OLFM2: variants seen among roughly 807,000 people sequenced by gnomAD.
OLFM2 encodes the protein olfactomedin 2.
In OLFM2, 20 loss-of-function variants were observed where a neutral mutation model predicts 43.9. The ratio of observed to expected loss-of-function variants is 0.46; its 90% confidence interval spans 0.32 to 0.66. The LOEUF (loss-of-function observed/expected upper bound fraction) is 0.66, where lower values mean the gene tolerates loss of function less well. Among genes scored for constraint, OLFM2 ranks in the 30% least tolerant of loss-of-function variants. The pLI, the probability that OLFM2 is intolerant of heterozygous loss-of-function variation, is 0.04. For missense variants in OLFM2, 416 were observed against 643.6 expected (o/e 0.65, Z 3.83); for synonymous variants, 268 against 278.6 (o/e 0.96, Z 0.38).
intron 1 of OLFM2, 134 bp from the exon 2 acceptor site, chr19:9,860,928 G>T: frequency 1.1e-6 from 1 of 887,162 alleles, no homozygotes; most frequent in Non-Finnish European, 1.7e-6. Context: ...TGCCTGTTGT[G>T]TGTGATCTCA....
intron 1 of OLFM2, among the ~76,000 whole-genome samples, chr19:9,862,532 T>C (rs1217653189): frequency 5.3e-5 from 8 of 150,684 alleles, no homozygotes; most frequent in Non-Finnish European, 1.2e-4. Context: ...AAAAAAAAAA[T>C]TAGCTGGATG....
intron 1 of OLFM2, chr19:9,913,390 A>C: frequency 1.5e-6 from 1 of 684,282 alleles, no homozygotes; most frequent in Non-Finnish European, 1.9e-6. Context: ...GTAGAGGGGG[A>C]CAGGTGGGGG....
At chr19:9,892,027 C>A in intron 1 of OLFM2, among the ~76,000 whole-genome samples, 1 of 152,082 alleles carries the variant, frequency 6.6e-6, no homozygotes. Context: ...GAGTCGGGCA[C>A]TATTGCAGAT....
At chr19:9,923,285 T>A (rs896135934) in intron 1 of OLFM2, among the ~76,000 whole-genome samples, 8 of 151,862 alleles carry the variant, frequency 5.3e-5, no homozygotes, top group African/African-American at 1.9e-4. Flanking sequence ...CTGGGCACGG[T>A]GGCTCATGCC....
chr19:9,920,311 T>C (rs1264716276), intron 1 of OLFM2, among the ~76,000 whole-genome samples: 1 of 152,060 alleles, frequency 6.6e-6, no homozygotes, highest in Non-Finnish European at 1.5e-5. Flanking sequence ...AAACTTTACT[T>C]GCAAGCTCCC....
intron 1 of OLFM2, among the ~76,000 whole-genome samples, chr19:9,919,065 G>A (rs766551096): frequency 2.6e-5 from 4 of 152,174 alleles, no homozygotes; most frequent in Non-Finnish European, 4.4e-5. Context: ...CACCAGGCAC[G>A]GTGGCTCACG....
intron 1 of OLFM2, among the ~76,000 whole-genome samples, chr19:9,882,001 G>A (rs892779747): frequency 2.0e-5 from 3 of 152,198 alleles, no homozygotes; most frequent in Non-Finnish European, 2.9e-5. Context: ...GGAGGAGGCC[G>A]AGGCGGGTGG....
In OLFM2 at chr19:9,857,330, C is replaced by T; in HGVS notation, c.513G>A (p.Gly171=). The T allele has an allele frequency of 1.9e-6, 3 of 1,614,170 alleles. No homozygotes were observed. Among genetic ancestry groups the T allele is most frequent in the Non-Finnish European group, 2.5e-6 (3 of 1,180,026 alleles). ...AAIQEEMGAY[G]YEDLQQRVMA... is the part of the protein sequence containing the mutation. ...TCACCCGTTGCTGCAGGTCCTCATA[C>T]CCGTAGGCACCCATCTCCTCCTGAA... The change falls in exon 4 of 6, where the codon GGG becomes GGA. Residue 171 remains glycine (G), a synonymous_variant. Transcript: ENST00000264833. This position sits in a 1 kb window ranked among gnomAD's most constrained non-coding sequence, Gnocchi z 5.7.
intron 1 of OLFM2, among the ~76,000 whole-genome samples, chr19:9,889,075 A>C (rs2046615320): frequency 6.6e-6 from 1 of 151,844 alleles, no homozygotes; most frequent in African/African-American, 2.4e-5. Flanking sequence ...CAAAAAAAAA[A>C]AAACAATTCT....
At chr19:9,883,520 C>T (rs2145457331) in intron 1 of OLFM2, among the ~76,000 whole-genome samples, 1 of 152,196 alleles carries the variant, frequency 6.6e-6, no homozygotes, top group African/African-American at 2.4e-5. Context: ...CAGCTGCTCC[C>T]AGTCAAAGCT....
At chr19:9,911,561 C>T (rs79637354) in intron 1 of OLFM2, among the ~76,000 whole-genome samples, 3,307 of 152,270 alleles carry the variant, frequency 0.022, 56 homozygotes, top group Non-Finnish European at 0.035. Flanking sequence ...GGCACACACA[C>T]ACACTTTCAT....
intron 1 of OLFM2, among the ~76,000 whole-genome samples, chr19:9,934,474 A>G (rs2086504068): frequency 6.6e-6 from 1 of 152,082 alleles, no homozygotes; most frequent in Non-Finnish European, 1.5e-5. Flanking sequence ...ATCCTAGCCA[A>G]TCTTGGTGAG....
chr19:9,935,523 T>TTTGCACACACAGCGC (rs2086509832), intron 1 of OLFM2, among the ~76,000 whole-genome samples: 1 of 151,842 alleles, frequency 6.6e-6, no homozygotes, highest in African/African-American at 2.4e-5. Flanking sequence ...GATGGACACG[T>TTTGCACACACAGCGC]TTGCACACAC....
At chr19:9,927,808 G>A (rs1263602720) in intron 1 of OLFM2, among the ~76,000 whole-genome samples, 1 of 152,194 alleles carries the variant, frequency 6.6e-6, no homozygotes, top group Non-Finnish European at 1.5e-5. Flanking sequence ...ACTCATGCCT[G>A]TAATCCCAGC....
intron 1 of OLFM2, among the ~76,000 whole-genome samples, chr19:9,889,377 T>C (rs2046618582): frequency 6.6e-6 from 1 of 151,998 alleles, no homozygotes; most frequent in Non-Finnish European, 1.5e-5. Context: ...GCCTCCCAAG[T>C]AGCTGGGACT....
intron 1 of OLFM2, among the ~76,000 whole-genome samples, chr19:9,919,971 T>A (rs2086409937): frequency 8.2e-6 from 1 of 122,326 alleles, no homozygotes; most frequent in African/African-American, 4.4e-5. Context: ...ATTTTTGTAT[T>A]TTTTTTTTTT....
At chr19:9,909,169 C>A (rs1219665375) in intron 1 of OLFM2, among the ~76,000 whole-genome samples, 2 of 152,160 alleles carry the variant, frequency 1.3e-5, no homozygotes, top group African/African-American at 4.8e-5. Context: ...CTGCTCAGCT[C>A]CTCCTTATTC....
chr19:9,924,201 G>C (rs1338323632), intron 1 of OLFM2, among the ~76,000 whole-genome samples: 1 of 135,474 alleles, frequency 7.4e-6, no homozygotes, highest in Non-Finnish European at 1.5e-5. Flanking sequence ...ACGAGGTCAG[G>C]AGATCGAGAC....
At chr19:9,929,319 G>A (rs567215384) in intron 1 of OLFM2, among the ~76,000 whole-genome samples, 14 of 152,238 alleles carry the variant, frequency 9.2e-5, no homozygotes, top group African/African-American at 2.4e-4. Context: ...TGGGCCGGGC[G>A]CGGTGGCTCA....
Sources: gnomAD v4.1 joint callset for allele counts (sites outside exome capture counted in the v4.1 genomes callset) on GRCh38, gnomAD v4.1.1 for gene constraint, Gnocchi (gnomAD v3.1) non-coding constraint, MANE v1.5 for transcripts, NCBI Gene and HGNC (gene_info 2026-07-23, HGNC 2026-07-21) for gene names.